SLC25A26: variants seen among roughly 807,000 people sequenced by gnomAD.
The protein encoded by SLC25A26 is solute carrier family 25 member 26, also known as mitochondrial S-adenosylmethionine carrier protein.
A neutral mutation model predicts 37.8 loss-of-function variants in SLC25A26; 36 were observed. That is an observed-to-expected ratio of 0.95 (90% confidence interval 0.73 to 1.26). The LOEUF is 1.26. SLC25A26 is among the 50% of genes most tolerant of loss of function. The probability of loss-of-function intolerance (pLI) is 0.00; values close to 1 mark genes in which losing one functional copy is unlikely to be tolerated. For synonymous variants in SLC25A26, 129 were observed against 122.5 expected (o/e 1.05, Z -0.35); for missense variants, 390 against 331.1 (o/e 1.18, Z -1.38).
chr3:66,201,846 A>G (rs2071114939), intron 1 of SLC25A26, among the ~76,000 whole-genome samples: 1 of 152,240 alleles, frequency 6.6e-6, no homozygotes, highest in Non-Finnish European at 1.5e-5. Flanking sequence ...AATGGGCAAG[A>G]CAGAGAGTTT....
At chr3:66,371,837 C>T (rs1373194427) in intron 9 of SLC25A26, among the ~76,000 whole-genome samples, 2 of 152,170 alleles carry the variant, frequency 1.3e-5, no homozygotes, top group Non-Finnish European at 2.9e-5. Flanking sequence ...GGGCTCACAC[C>T]TGTAATCCCA....
intron 5 of SLC25A26, among the ~76,000 whole-genome samples, chr3:66,312,492 A>G (rs2075408478): frequency 6.6e-6 from 1 of 151,048 alleles, no homozygotes; most frequent in Non-Finnish European, 1.5e-5. Context: ...GGGAGTAAAC[A>G]GTTCTGTCTC....
At chr3:66,358,487 G>A (rs958570579) in intron 6 of SLC25A26, among the ~76,000 whole-genome samples, 3 of 152,200 alleles carry the variant, frequency 2.0e-5, no homozygotes, top group South Asian at 2.1e-4. Flanking sequence ...TGATTTGCGT[G>A]TGGAAGTAAA....
chr3:66,322,369 A>G (rs1170250601), intron 5 of SLC25A26, among the ~76,000 whole-genome samples: 2 of 152,224 alleles, frequency 1.3e-5, no homozygotes, highest in Non-Finnish European at 1.5e-5. Context: ...AATGAGATTC[A>G]TATTTTCTAG....
intron 6 of SLC25A26, among the ~76,000 whole-genome samples, chr3:66,358,771 C>T (rs982604791): frequency 3.3e-5 from 5 of 152,098 alleles, no homozygotes; most frequent in Non-Finnish European, 7.3e-5. Flanking sequence ...GAATTACAGG[C>T]GTGAGCCACA....
chr3:66,371,285 GGGCGTCT>G, intron 9 of SLC25A26: 2 of 1,549,696 alleles, frequency 1.3e-6, no homozygotes. Context: ...CCTGGACTTC[GGGCGTCT>G]CAGCTGGCAG....
At chr3:66,358,928 G>A (rs188786247) in intron 6 of SLC25A26, among the ~76,000 whole-genome samples, 1 of 152,206 alleles carries the variant, frequency 6.6e-6, no homozygotes, top group African/African-American at 2.4e-5. Context: ...GTGTATTGTG[G>A]TTGCTGTTAC....
chr3:66,280,843 C>T (rs762176043), intron 5 of SLC25A26, among the ~76,000 whole-genome samples: 4 of 152,072 alleles, frequency 2.6e-5, no homozygotes, highest in Non-Finnish European at 4.4e-5. Context: ...CAATTTGACA[C>T]TTATCATTTA....
At chr3:66,136,984 T>C (rs1284954267) in intron 1 of SLC25A26, among the ~76,000 whole-genome samples, 1 of 152,166 alleles carries the variant, frequency 6.6e-6, no homozygotes, top group Non-Finnish European at 1.5e-5. Flanking sequence ...TATCTCTTAT[T>C]TATTGAAAAT....
intron 5 of SLC25A26, among the ~76,000 whole-genome samples, chr3:66,322,927 T>G (rs529029343): frequency 6.6e-6 from 1 of 152,340 alleles, no homozygotes; most frequent in South Asian, 2.1e-4. Context: ...CCCAATCTGT[T>G]TTTTACCTTC....
chr3:66,341,763 A>T (rs1353609348), intron 5 of SLC25A26, among the ~76,000 whole-genome samples: 1 of 152,100 alleles, frequency 6.6e-6, no homozygotes, highest in Non-Finnish European at 1.5e-5. Flanking sequence ...TTTTAGGTTA[A>T]TTTCTTTTAT....
At chr3:66,290,739 C>T (rs1235148508) in intron 5 of SLC25A26, among the ~76,000 whole-genome samples, 1 of 152,158 alleles carries the variant, frequency 6.6e-6, no homozygotes, top group Non-Finnish European at 1.5e-5. Flanking sequence ...AGGATTTTCA[C>T]ATTCATGTTC....
intron 1 of SLC25A26, among the ~76,000 whole-genome samples, chr3:66,154,545 T>C (rs1299553741): frequency 6.8e-6 from 1 of 146,496 alleles, no homozygotes; most frequent in African/African-American, 2.6e-5. Context: ...TTTTTCTTTT[T>C]TTTTTTTTTT....
intron 3 of SLC25A26, 132 bp from the exon 4 acceptor site, chr3:66,261,919 A>T (rs2107281748): frequency 1.6e-6 from 1 of 629,734 alleles, no homozygotes. Context: ...TAAAAAAAAA[A>T]AAAGAAACTT....
At chr3:66,345,342 C>T (rs2076294834) in intron 5 of SLC25A26, among the ~76,000 whole-genome samples, 1 of 152,146 alleles carries the variant, frequency 6.6e-6, no homozygotes. Flanking sequence ...TCAAGTTTGA[C>T]TCTTGCAAGT....
At chr3:66,174,300 G>C (rs924695576) in intron 1 of SLC25A26, among the ~76,000 whole-genome samples, 1 of 152,142 alleles carries the variant, frequency 6.6e-6, no homozygotes, top group Non-Finnish European at 1.5e-5. Flanking sequence ...ACAGAGCTTA[G>C]AACACCCATA....
chr3:66,297,548 G>A (rs377391963), intron 5 of SLC25A26, among the ~76,000 whole-genome samples: 3 of 152,056 alleles, frequency 2.0e-5, no homozygotes, highest in Admixed American at 1.3e-4. Flanking sequence ...TTTGCCACTC[G>A]CTATCTTGTG....
intron 5 of SLC25A26, among the ~76,000 whole-genome samples, chr3:66,320,818 C>A (rs1054889971): frequency 3.3e-5 from 5 of 152,178 alleles, no homozygotes; most frequent in African/African-American, 7.2e-5. Flanking sequence ...TTTAAAAGTA[C>A]GTTTAAGATA....
chr3:66,269,922 C>T (rs371885504), intron 5 of SLC25A26, among the ~76,000 whole-genome samples: 1 of 152,074 alleles, frequency 6.6e-6, no homozygotes. Flanking sequence ...GGGTTTTTAC[C>T]TCCTTGTAGG....
Sources: allele counts gnomAD v4.1 joint callset (sites outside exome capture counted in the v4.1 genomes callset), GRCh38; gene constraint gnomAD v4.1.1; transcripts MANE v1.5; gene names NCBI Gene and HGNC (gene_info 2026-07-23, HGNC 2026-07-21).